RNF17: variants seen among roughly 807,000 people sequenced by gnomAD.
RNF17 encodes spermatogenesis associated 23.
RNF17 carries 31 observed loss-of-function variants against 200.5 expected under a neutral mutation model. The ratio of observed to expected loss-of-function variants is 0.15; its 90% CI spans 0.12 to 0.21. RNF17 has a LOEUF of 0.21. RNF17 is among the 10% of genes least tolerant of loss of function. The probability of loss-of-function intolerance (pLI) is 1.00; values close to 1 mark genes in which losing one functional copy is unlikely to be tolerated. For synonymous variants in RNF17, 606 were observed against 637.8 expected (o/e 0.95, Z 0.75); for missense variants, 1,628 against 1,905.1 (o/e 0.85, Z 2.71).
chr13:24,775,678 G>T (rs1201965754), intron 3 of RNF17, among the ~76,000 whole-genome samples: 1 of 152,142 alleles, frequency 6.6e-6, no homozygotes, highest in Non-Finnish European at 1.5e-5. Flanking sequence ...TTCCATTGTT[G>T]TATAAGACTT....
chr13:24,793,561 T>A (rs1016779789), intron 10 of RNF17, among the ~76,000 whole-genome samples: 4 of 152,230 alleles, frequency 2.6e-5, no homozygotes, highest in Non-Finnish European at 5.9e-5. Context: ...AGCTAACCTC[T>A]GAGGTATAAA....
At chr13:24,876,173 G>A (rs1894833637) in intron 33 of RNF17, among the ~76,000 whole-genome samples, 1 of 152,172 alleles carries the variant, frequency 6.6e-6, no homozygotes, top group Non-Finnish European at 1.5e-5. Context: ...GGAATAAAGG[G>A]TTGTTACCAT....
chr13:24,814,359 C>G (rs945301216), intron 15 of RNF17, among the ~76,000 whole-genome samples: 8 of 152,168 alleles, frequency 5.3e-5, no homozygotes, highest in Non-Finnish European at 1.0e-4. Context: ...TGATAGTGTC[C>G]TTTGTTCCAC....
chr13:24,811,997 A>G (rs369660474), intron 15 of RNF17, among the ~76,000 whole-genome samples: 9,362 of 151,618 alleles, frequency 0.062, 376 homozygotes, highest in East Asian at 0.15. Context: ...CAGTCTGCCC[A>G]TTCTCAGATC....
intron 9 of RNF17, among the ~76,000 whole-genome samples, chr13:24,791,019 G>T (rs1883777937): frequency 6.6e-6 from 1 of 152,176 alleles, no homozygotes; most frequent in Admixed American, 6.5e-5. Flanking sequence ...ATTAGACAAT[G>T]TGGCATATTT....
intron 22 of RNF17, among the ~76,000 whole-genome samples, chr13:24,849,545 A>G (rs1891625822): frequency 6.6e-6 from 1 of 152,200 alleles, no homozygotes; most frequent in South Asian, 2.1e-4. Flanking sequence ...AAGCCAAAAG[A>G]TTGGACACCT....
intron 22 of RNF17, among the ~76,000 whole-genome samples, chr13:24,845,762 T>C (rs938772886): frequency 2.6e-5 from 4 of 152,062 alleles, no homozygotes; most frequent in African/African-American, 9.7e-5. Context: ...AAGAAAGAGA[T>C]CTGTAAATGT....
rs1294478036 is a variant in RNF17, at chr13:24,843,870, T to C, written c.2730T>C (p.Phe910=). 1 of 1,602,012 alleles carries C rather than the reference T, an allele frequency of 6.2e-7. No homozygotes were observed. Among genetic ancestry groups the C allele is most frequent in the Non-Finnish European group, 8.5e-7 (1 of 1,169,882 alleles). ...VSAKSLPNEN[F]QSLYNKELPV... ...CAAAATCTCTACCTAATGAGAATTTTCAGTCACTTTATAATAAGGAATTGC... is the reference window on the plus strand; with the variant it reads ...CAAAATCTCTACCTAATGAGAATTTCCAGTCACTTTATAATAAGGAATTGC... The change falls in exon 20 of 36, where the codon TTT becomes TTC. Residue 910 remains phenylalanine (F), a synonymous_variant. Coordinates refer to ENST00000255324, the MANE Select transcript of RNF17 (RefSeq NM_031277.3).
chr13:24,837,017 A>G (rs1258112904), intron 18 of RNF17, among the ~76,000 whole-genome samples: 1 of 149,314 alleles, frequency 6.7e-6, no homozygotes. Context: ...AACTTGAACT[A>G]AAGGGGTGGA....
At chr13:24,753,689 C>T in the RNF17 span, among the ~76,000 whole-genome samples, 1 of 152,194 alleles carries the variant, frequency 6.6e-6, no homozygotes, top group African/African-American at 2.4e-5. Context: ...CATGGAATTT[C>T]TTAGGCCACT....
chr13:24,770,974 T>C (rs1880581047), intron 2 of RNF17, among the ~76,000 whole-genome samples: 1 of 152,246 alleles, frequency 6.6e-6, no homozygotes, highest in African/African-American at 2.4e-5. Flanking sequence ...GGCAATTTGA[T>C]GTAAAAAATG....
Position 24,778,190 on chromosome 13 carries a change from AAGTCGAGGC to A in RNF17, c.318-104_318-96del, listed in dbSNP as rs1358721208. On this transcript the variant is annotated intron_variant, in intron 3 of 35. Transcript: ENST00000255324. ...GGTGGGATGATCGCTGGAGCCTGGG[AAGTCGAGGC>A]TGCCATGAGCCATGATGGTGCCACT... 24 of 685,678 alleles carry A rather than the reference AAGTCGAGGC, an allele frequency of 3.5e-5. No individual in the cohort carries two copies. The East Asian group carries it at 5.9e-4, about 17-fold the overall frequency. 42.5% of individuals were successfully genotyped at this position (685,678 alleles called of 1,614,324 possible). A position where few individuals can be genotyped will look rare whatever the true frequency, so the allele number is the denominator to read the frequency against.
At chr13:24,783,346 C>A (rs1483380922) in intron 6 of RNF17, among the ~76,000 whole-genome samples, 1 of 152,108 alleles carries the variant, frequency 6.6e-6, no homozygotes, top group Non-Finnish European at 1.5e-5. Flanking sequence ...CAACTTTGTT[C>A]CTTTTCAAGA....
the RNF17 span, among the ~76,000 whole-genome samples, chr13:24,754,718 C>T: frequency 0.32 from 48,998 of 151,728 alleles, 8,171 homozygotes; most frequent in South Asian, 0.5. Flanking sequence ...GGTGAGCCAC[C>T]ATCTCTGCAG....
chr13:24,887,170 T>A, the RNF17 span, among the ~76,000 whole-genome samples: 1 of 152,204 alleles, frequency 6.6e-6, no homozygotes, highest in Non-Finnish European at 1.5e-5. Context: ...GAAATTGAAC[T>A]ACTTTAAGAA....
Position 24,793,084 on chromosome 13 carries a change from G to A in RNF17, c.978G>A (p.Lys326=). 6.3e-7 allele frequency: 1 copy of A among 1,593,366 alleles called. No homozygotes were observed. Among genetic ancestry groups the A allele is most frequent in the Non-Finnish European group, 8.5e-7 (1 of 1,171,636 alleles). ...ATGAAATTAGACAGAATGTTCAAAAGAAATATAATAACAAAAAGGAACTTT... is the reference window on the plus strand; with the variant it reads ...ATGAAATTAGACAGAATGTTCAAAAAAAATATAATAACAAAAAGGAACTTT... ...QENEIRQNVQ[K]KYNNKKELSC... is the part of the protein sequence containing the mutation. The change falls in exon 10 of 36, where the codon AAG becomes AAA. Residue 326 remains lysine (K), a synonymous_variant. Coordinates refer to ENST00000255324, the MANE Select transcript of RNF17 (RefSeq NM_031277.3).
intron 14 of RNF17, chr13:24,803,979 G>C (rs1885550009): frequency 3.6e-6 from 1 of 278,572 alleles, no homozygotes; most frequent in Non-Finnish European, 6.8e-6. Flanking sequence ...AAGAGACTAA[G>C]AAAATGGCTT....
intron 10 of RNF17, 118 bp downstream of exon 10, chr13:24,793,464 C>A: frequency 2.1e-6 from 2 of 943,376 alleles, no homozygotes; most frequent in Non-Finnish European, 3.1e-6. Context: ...TCTTATTCCT[C>A]ATTATGAGTT....
chr13:24,850,707 A>T (rs1891788618), intron 23 of RNF17, among the ~76,000 whole-genome samples: 1 of 152,044 alleles, frequency 6.6e-6, no homozygotes, highest in East Asian at 1.9e-4. Flanking sequence ...TGCTTTCTCC[A>T]GTTTTATACC....
Sources: allele counts gnomAD v4.1 joint callset (sites outside exome capture counted in the v4.1 genomes callset), GRCh38; gene constraint gnomAD v4.1.1; transcripts MANE v1.5; gene names NCBI Gene and HGNC (gene_info 2026-07-23, HGNC 2026-07-21).